Variants in HPSE2 observed in about 807,000 individuals in gnomAD.
The protein encoded by HPSE2 is inactive heparanase-2.
A neutral mutation model predicts 60.5 loss-of-function variants in HPSE2; 38 were observed. The observed-to-expected ratio is 0.63, with a 90% CI of 0.48 to 0.82. The LOEUF (loss-of-function observed/expected upper bound fraction) is 0.82. Ranked by LOEUF, HPSE2 falls within the 40% of genes least tolerant of loss-of-function variation. HPSE2 has a pLI of 0.00. For synonymous variants in HPSE2, 295 were observed against 293.2 expected (o/e 1.01, Z -0.06); for missense variants, 713 against 740.4 (o/e 0.96, Z 0.43).
At chr10:99,038,903 A>G (rs778551777) in intron 3 of HPSE2, among the ~76,000 whole-genome samples, 18 of 152,304 alleles carry the variant, frequency 1.2e-4, no homozygotes, top group South Asian at 4.1e-4. Flanking sequence ...TATAAAAAGA[A>G]TAAGAGAATT....
At chr10:99,048,000 C>A in intron 3 of HPSE2, 1 of 699,038 alleles carries the variant, frequency 1.4e-6, no homozygotes. Context: ...TTCAATGAAA[C>A]CTTTGCGAAG....
At chr10:98,880,274 C>T (rs956453898) in intron 3 of HPSE2, among the ~76,000 whole-genome samples, 3 of 152,028 alleles carry the variant, frequency 2.0e-5, no homozygotes, top group Admixed American at 6.6e-5. Context: ...TAGGTTGCCA[C>T]GGTGTGGCTG....
At chr10:99,119,618 A>G (rs1284767502) in intron 3 of HPSE2, among the ~76,000 whole-genome samples, 1 of 152,208 alleles carries the variant, frequency 6.6e-6, no homozygotes, top group Admixed American at 6.5e-5. Context: ...AGCAAAAAAG[A>G]GCCCAAATAT....
chr10:98,983,890 C>G (rs1032905042), intron 3 of HPSE2, among the ~76,000 whole-genome samples: 6 of 152,208 alleles, frequency 3.9e-5, no homozygotes, highest in African/African-American at 1.2e-4. Flanking sequence ...GAGCCTCATT[C>G]ATTGCTAGCA....
intron 7 of HPSE2, 102 bp downstream of exon 7, chr10:98,641,744 TA>T (rs1322203922): frequency 1.1e-6 from 1 of 871,158 alleles, no homozygotes; most frequent in African/African-American, 1.6e-5. Context: ...CCTATTTTTC[TA>T]CTCTGGTTCC....
At chr10:99,150,624 C>A (rs1207334977) in intron 2 of HPSE2, among the ~76,000 whole-genome samples, 1 of 152,176 alleles carries the variant, frequency 6.6e-6, no homozygotes, top group East Asian at 1.9e-4. Context: ...TCTGGCCTAG[C>A]TAAACATTTT....
intron 3 of HPSE2, among the ~76,000 whole-genome samples, chr10:99,032,550 T>C (rs534891499): frequency 1.3e-5 from 2 of 152,330 alleles, no homozygotes; most frequent in African/African-American, 4.8e-5. Flanking sequence ...CTATAGCGGA[T>C]GAACATATTG....
chr10:99,152,906 A>AGCCGAAGCAGG (rs1335267260), intron 2 of HPSE2, among the ~76,000 whole-genome samples: 4 of 152,244 alleles, frequency 2.6e-5, no homozygotes, highest in Non-Finnish European at 5.9e-5. Context: ...ATCGTGCGCG[A>AGCCGAAGCAGG]GCCGAAGCAG....
At chr10:99,286,145 G>T in the HPSE2 span, among the ~76,000 whole-genome samples, 1 of 152,128 alleles carries the variant, frequency 6.6e-6, no homozygotes, top group Non-Finnish European at 1.5e-5. Context: ...TTACACAGCT[G>T]CTGTGGAAAC....
rs1456452772 is a variant in HPSE2 at position 98,938,151 on chromosome 10, G to A, written c.611-194095C>T. On this transcript the variant is annotated intron_variant, in intron 3 of 11. Coordinates refer to ENST00000370552, the MANE Select transcript of HPSE2 (RefSeq NM_021828.5). ...ACAAAGATGGGGAAAAAACAGAGCA[G>A]AAAAACTGGAAATTCTAAAAAGCAG... Among the ~76,000 whole-genome samples, 4 of 143,840 alleles carry A rather than the reference G, an allele frequency of 2.8e-5. 1 individual carries two copies. The highest frequency in any genetic ancestry group is 1.1e-4 in the African/African-American group (4 of 35,208). 94.4% of individuals were successfully genotyped at this position (143,840 alleles called of 152,430 possible).
chr10:99,001,185 G>T (rs1231443879), intron 3 of HPSE2, among the ~76,000 whole-genome samples: 1 of 152,000 alleles, frequency 6.6e-6, no homozygotes, highest in African/African-American at 2.4e-5. Context: ...AAACCATATT[G>T]ATATAAGATT....
In HPSE2 at chr10:98,467,851, T is replaced by A. The variant is rs140682512; in HGVS notation, c.1614-8112A>T. ...GTCCCACCTGGAATGTGGCCTAATA[T>A]TAAGGAAACGTGCGAAACGGGACTG... On this transcript the variant is annotated intron_variant, in intron 11 of 11. Coordinates refer to ENST00000370552, the MANE Select transcript of HPSE2 (RefSeq NM_021828.5). Among the ~76,000 whole-genome samples, 22 of 152,378 alleles carry A rather than the reference T, an allele frequency of 1.4e-4. No individual in the cohort carries two copies. In the East Asian group the frequency reaches 4.2e-3, roughly 29 times the overall value.
intron 1 of HPSE2, among the ~76,000 whole-genome samples, chr10:99,234,332 G>T (rs1459830304): frequency 6.6e-6 from 1 of 152,218 alleles, no homozygotes; most frequent in Non-Finnish European, 1.5e-5. Context: ...GGGCCAGGGG[G>T]ACAACCCCAA....
the HPSE2 span, among the ~76,000 whole-genome samples, chr10:99,299,862 T>C: frequency 6.6e-6 from 1 of 151,984 alleles, no homozygotes. Context: ...AGACCCAGAC[T>C]CCCCAGAAGA....
chr10:98,736,471 CATG>C (rs773490545), intron 4 of HPSE2, among the ~76,000 whole-genome samples: 12 of 152,106 alleles, frequency 7.9e-5, no homozygotes, highest in Non-Finnish European at 1.5e-4. Context: ...GATTCTCCAC[CATG>C]ATAATGAACT....
At chr10:99,108,027 C>G (rs2135670179) in intron 3 of HPSE2, among the ~76,000 whole-genome samples, 1 of 152,168 alleles carries the variant, frequency 6.6e-6, no homozygotes, top group East Asian at 1.9e-4. Flanking sequence ...AGACCTAACT[C>G]CTATAAATTA....
intron 3 of HPSE2, among the ~76,000 whole-genome samples, chr10:98,826,785 C>A (rs1428621406): frequency 6.6e-6 from 1 of 152,182 alleles, no homozygotes; most frequent in Admixed American, 6.5e-5. Flanking sequence ...TCCACTAGCT[C>A]AAGCTGCCCA....
chr10:98,706,084 G>A (rs1948540246), intron 5 of HPSE2, among the ~76,000 whole-genome samples: 1 of 118,482 alleles, frequency 8.4e-6, no homozygotes, highest in Non-Finnish European at 1.7e-5. Flanking sequence ...CAGTAAGGTA[G>A]ATATTTCTGT....
At chr10:99,053,801 T>C (rs538289904) in intron 3 of HPSE2, among the ~76,000 whole-genome samples, 5 of 145,022 alleles carry the variant, frequency 3.4e-5, no homozygotes, top group African/African-American at 1.3e-4. Context: ...CAATCTTGGT[T>C]CACTGCAACC....
Sources: gnomAD v4.1 joint callset for allele counts (sites outside exome capture counted in the v4.1 genomes callset) on GRCh38, gnomAD v4.1.1 for gene constraint, MANE v1.5 for transcripts, NCBI Gene and HGNC (gene_info 2026-07-23, HGNC 2026-07-21) for gene names.